The following HERC3 variants were observed in gnomAD, a reference collection of about 807,000 sequenced individuals.
The protein encoded by HERC3 is HECT and RLD domain containing E3 ubiquitin protein ligase 3, also known as probable E3 ubiquitin-protein ligase HERC3.
HERC3 carries 58 observed loss-of-function variants against 129.9 expected under a neutral mutation model. The ratio of observed to expected loss-of-function variants is 0.45; its 90% CI spans 0.36 to 0.56. The LOEUF is 0.56. Among genes scored for constraint, HERC3 ranks in the 20% least tolerant of loss-of-function variants. The probability of loss-of-function intolerance (pLI) is 0.00; values close to 1 mark genes in which losing one functional copy is unlikely to be tolerated. For missense variants in HERC3, 835 were observed against 1,244.2 expected (o/e 0.67, Z 4.95); for synonymous variants, 430 against 451.0 (o/e 0.95, Z 0.59).
chr4:88,681,416 T>C, intron 21 of HERC3, 91 bp downstream of exon 21: 1 of 1,088,520 alleles, frequency 9.2e-7, no homozygotes, highest in East Asian at 2.4e-5. Flanking sequence ...TGTACAAATC[T>C]GAGTTTATTG....
At chr4:88,631,476 T>G (rs1726750474) in intron 3 of HERC3, among the ~76,000 whole-genome samples, 1 of 152,192 alleles carries the variant, frequency 6.6e-6, no homozygotes, top group Non-Finnish European at 1.5e-5. Flanking sequence ...AAAGAAATAC[T>G]ACTGTAAATT....
chr4:88,652,002 T>C lies in HERC3; in HGVS notation c.387-10T>C, dbSNP rs1432260993. The C allele has an allele frequency of 6.3e-7, 1 of 1,596,094 alleles. No individual in the cohort carries two copies. Among genetic ancestry groups the C allele is most frequent in the Non-Finnish European group, 8.6e-7 (1 of 1,165,616 alleles). On this transcript the variant is annotated splice_polypyrimidine_tract_variant and intron_variant, in intron 4 of 25. Transcript: ENST00000402738. ...TATCTATCTGAAAAAGAAAGCCTTT[T>C]CTGTTTTAGGTTAATACAAAAGCTG... is the stretch of plus-strand genomic sequence containing the variant.
intron 23 of HERC3, among the ~76,000 whole-genome samples, chr4:88,698,236 T>G (rs1734880492): frequency 6.6e-6 from 1 of 152,082 alleles, no homozygotes; most frequent in African/African-American, 2.4e-5. Flanking sequence ...ACCTCTTAGA[T>G]TCCTCCGCAT....
At chr4:88,589,060 ATGTG>A (rs368954233), upstream of HERC3, among the ~76,000 whole-genome samples, 11 of 150,786 alleles carry the variant, frequency 7.3e-5, no homozygotes, top group African/African-American at 7.3e-5. Flanking sequence ...TTATGGTTAT[ATGTG>A]TGTGTGTGTG....
intron 3 of HERC3, among the ~76,000 whole-genome samples, chr4:88,648,092 A>G (rs1728891678): frequency 6.6e-6 from 1 of 152,200 alleles, no homozygotes; most frequent in African/African-American, 2.4e-5. Flanking sequence ...TCTTTCTCAT[A>G]AATCATTTAG....
At chr4:88,621,205 C>G (rs1725480769) in intron 3 of HERC3, among the ~76,000 whole-genome samples, 1 of 152,070 alleles carries the variant, frequency 6.6e-6, no homozygotes, top group Non-Finnish European at 1.5e-5. Context: ...CTCCTGGGTT[C>G]AAGCGATTCT....
intron 3 of HERC3, among the ~76,000 whole-genome samples, chr4:88,630,182 A>C (rs1726582672): frequency 6.6e-6 from 1 of 152,140 alleles, no homozygotes; most frequent in African/African-American, 2.4e-5. Flanking sequence ...TACTTCTCTG[A>C]TATTGTACCC....
chr4:88,598,624 G>A (rs569750990), intron 2 of HERC3, among the ~76,000 whole-genome samples: 2 of 152,290 alleles, frequency 1.3e-5, no homozygotes, highest in South Asian at 4.1e-4. Context: ...TACATGCCAG[G>A]CACCATGCTA....
At chr4:88,615,977 C>T (rs900822697) in intron 3 of HERC3, among the ~76,000 whole-genome samples, 1 of 152,082 alleles carries the variant, frequency 6.6e-6, no homozygotes, top group African/African-American at 2.4e-5. Flanking sequence ...ATGACAAATA[C>T]ATACAGTTTC....
At chr4:88,558,721 T>G in the HERC3 span, among the ~76,000 whole-genome samples, 3 of 152,004 alleles carry the variant, frequency 2.0e-5, no homozygotes, top group South Asian at 6.2e-4. Context: ...CCCAGCACTT[T>G]GGGAGGCCGA....
chr4:88,671,921 TC>T (rs2149303799), intron 16 of HERC3, among the ~76,000 whole-genome samples: 1 of 152,340 alleles, frequency 6.6e-6, no homozygotes, highest in African/African-American at 2.4e-5. Context: ...GTTTTCACTT[TC>T]AAATTTAGGA....
the HERC3 span, among the ~76,000 whole-genome samples, chr4:88,544,895 C>T: frequency 4.6e-5 from 7 of 152,096 alleles, no homozygotes; most frequent in African/African-American, 1.7e-4. Flanking sequence ...ACACTGGGGC[C>T]TGTTGTGGGG....
chr4:88,637,018 A>G (rs1315943331), intron 3 of HERC3, among the ~76,000 whole-genome samples: 3 of 152,092 alleles, frequency 2.0e-5, no homozygotes, highest in African/African-American at 7.2e-5. Context: ...AGTCCCAGCT[A>G]CTCGGGAGGC....
At chr4:88,669,657 C>T (rs1731407342) in intron 14 of HERC3, among the ~76,000 whole-genome samples, 1 of 151,944 alleles carries the variant, frequency 6.6e-6, no homozygotes, top group Non-Finnish European at 1.5e-5. Context: ...CCAGGCTTTA[C>T]AAAAAAAGCT....
chr4:88,656,835 G>A (rs977486311), intron 9 of HERC3: 1 of 152,152 alleles, frequency 6.6e-6, no homozygotes, highest in African/African-American at 2.4e-5. Context: ...TAGAGATAAG[G>A]GAACAAAGTC....
chr4:88,687,018 G>T (rs1229350482), intron 22 of HERC3, among the ~76,000 whole-genome samples, 199 bp from the exon 23 acceptor site: 1 of 152,108 alleles, frequency 6.6e-6, no homozygotes, highest in Admixed American at 6.5e-5. Context: ...GCATTTATTG[G>T]CAACTCCATG....
At chr4:88,612,089 T>C (rs552979048) in intron 3 of HERC3, among the ~76,000 whole-genome samples, 10 of 152,204 alleles carry the variant, frequency 6.6e-5, no homozygotes, top group Non-Finnish European at 1.2e-4. Flanking sequence ...AATTCATTTT[T>C]TTGGGATGCA....
chr4:88,651,485 A>C (rs144130364), intron 4 of HERC3, among the ~76,000 whole-genome samples: 124 of 152,312 alleles, frequency 8.1e-4, no homozygotes, highest in Middle Eastern at 3.4e-3. Context: ...TAACTTAAAA[A>C]TTACTTACTA....
intron 3 of HERC3, among the ~76,000 whole-genome samples, chr4:88,645,379 G>GA (rs1728581376): frequency 6.6e-6 from 1 of 152,168 alleles, no homozygotes; most frequent in South Asian, 2.1e-4. Context: ...CGGAAAAGCA[G>GA]AAAGGAGACA....
Sources: gnomAD v4.1 joint callset for allele counts (sites outside exome capture counted in the v4.1 genomes callset) on GRCh38, gnomAD v4.1.1 for gene constraint, MANE v1.5 for transcripts, NCBI Gene and HGNC (gene_info 2026-07-23, HGNC 2026-07-21) for gene names.